Variants in MGAT4C observed in about 807,000 individuals in gnomAD.
MGAT4C encodes the protein MGAT4 family member C.
A neutral mutation model predicts 40.1 loss-of-function variants in MGAT4C; 19 were observed. The observed-to-expected ratio is 0.47, with a 90% confidence interval of 0.33 to 0.70. The LOEUF is 0.70. Among genes scored for constraint, MGAT4C ranks in the 30% least tolerant of loss-of-function variants. The probability of loss-of-function intolerance (pLI) is 0.02; values close to 1 mark genes in which losing one functional copy is unlikely to be tolerated. For synonymous variants in MGAT4C, 181 were observed against 187.1 expected (o/e 0.97, Z 0.27); for missense variants, 491 against 563.2 (o/e 0.87, Z 1.30).
At chr12:86,392,605 G>A (rs773048962) in intron 3 of MGAT4C, among the ~76,000 whole-genome samples, 5 of 152,196 alleles carry the variant, frequency 3.3e-5, no homozygotes, top group African/African-American at 4.8e-5. Flanking sequence ...AGACAAAGTG[G>A]TGAGGGATGG....
intron 1 of MGAT4C, among the ~76,000 whole-genome samples, chr12:86,165,402 T>C (rs892293690): frequency 7.9e-5 from 12 of 152,130 alleles, no homozygotes; most frequent in African/African-American, 2.9e-4. Context: ...TTGTTTTACA[T>C]GTATTTTGTT....
At position 86,826,611 on chromosome 12, in the gene MGAT4C, T is replaced by A. The variant is rs1003780248; in HGVS notation, c.-262+12055A>T. On this transcript the variant is annotated intron_variant, in intron 1 of 7. Transcript: ENST00000548651. ...AACAGTTCATTGAATTTTTTATCCA[T>A]AAGAATGTAACAGTTATAATTTTAA... is the stretch of plus-strand genomic sequence containing the variant. 2.0e-5 allele frequency among the ~76,000 whole-genome samples: 3 copies of A among 151,408 alleles called. No individual in the cohort carries two copies. The Admixed American group carries it at 2.0e-4, about 10-fold the overall frequency.
At chr12:86,705,973 A>G (rs10858465) in intron 2 of MGAT4C, among the ~76,000 whole-genome samples, 116,406 of 152,064 alleles carry the variant, frequency 0.77, 46,290 homozygotes, top group Middle Eastern at 0.88. Flanking sequence ...AATAGAATAA[A>G]TGGATATAAG....
chr12:86,327,817 G>T (rs757205272), intron 4 of MGAT4C, among the ~76,000 whole-genome samples: 1 of 152,094 alleles, frequency 6.6e-6, no homozygotes, highest in Non-Finnish European at 1.5e-5. Flanking sequence ...TTGCACAAAA[G>T]GTATCTTTGC....
At chr12:86,693,689 T>C (rs751842640) in intron 2 of MGAT4C, among the ~76,000 whole-genome samples, 3 of 152,128 alleles carry the variant, frequency 2.0e-5, no homozygotes, top group Non-Finnish European at 4.4e-5. Flanking sequence ...ATATAATTAG[T>C]TTTATTTTAC....
chr12:86,672,616 A>G (rs1361879889), intron 2 of MGAT4C, among the ~76,000 whole-genome samples: 1 of 152,180 alleles, frequency 6.6e-6, no homozygotes, highest in East Asian at 1.9e-4. Flanking sequence ...CAGAAATTCA[A>G]AGGACCATTA....
chr12:85,992,745 C>G (rs566626696), intron 2 of MGAT4C, among the ~76,000 whole-genome samples: 6 of 152,332 alleles, frequency 3.9e-5, no homozygotes, highest in African/African-American at 1.4e-4. Context: ...GAAACATGGC[C>G]TCAGGAAGAA....
At chr12:86,155,072 G>A (rs1333304015) in intron 1 of MGAT4C, among the ~76,000 whole-genome samples, 1 of 152,114 alleles carries the variant, frequency 6.6e-6, no homozygotes, top group East Asian at 1.9e-4. Context: ...TTTAAACAAA[G>A]GTACAAATAG....
At chr12:86,712,379 A>T (rs1158966462) in intron 2 of MGAT4C, among the ~76,000 whole-genome samples, 1 of 152,142 alleles carries the variant, frequency 6.6e-6, no homozygotes, top group Non-Finnish European at 1.5e-5. Context: ...GAATAACATA[A>T]TCAATGACTA....
Position 86,488,350 on chromosome 12 carries a change from C to T in MGAT4C, c.-228-53085G>A, listed in dbSNP as rs1334406333. 2.0e-5 allele frequency among the ~76,000 whole-genome samples: 3 copies of T among 150,690 alleles called. No individual in the cohort carries two copies. The East Asian group carries it at 5.8e-4, about 29-fold the overall frequency. On this transcript the variant is annotated intron_variant, in intron 2 of 7. Transcript: ENST00000548651. ...GCTGAGGCAAGAGTATCGCTTCAGC[C>T]AGGGAGATTGAGGCTGCAGTGAGTG...
At chr12:86,554,368 C>G (rs1724489163) in intron 2 of MGAT4C, among the ~76,000 whole-genome samples, 1 of 152,130 alleles carries the variant, frequency 6.6e-6, no homozygotes, top group African/African-American at 2.4e-5. Flanking sequence ...TCTTCAAACC[C>G]TGATTCACTT....
intron 2 of MGAT4C, among the ~76,000 whole-genome samples, chr12:86,012,667 G>A (rs545084146): frequency 6.6e-6 from 1 of 151,990 alleles, no homozygotes; most frequent in Non-Finnish European, 1.5e-5. Flanking sequence ...CAGGAGAATC[G>A]CTTGAACCCG....
Position 85,969,371 on chromosome 12 carries a change from ACTGT to A in MGAT4C, c.*9914_*9917del, listed in dbSNP as rs1321011290. Reference sequence around the variant, plus strand: ...ATCACACAAAAAATGTTGCATACATACTGTCTAACTACCAGTTTGGTATGTTTGG... The same window carrying A: ...ATCACACAAAAAATGTTGCATACATACTAACTACCAGTTTGGTATGTTTGG... On this transcript the variant is annotated 3_prime_UTR_variant, in exon 5 of 5. Transcript: ENST00000611864. 5 of 151,716 alleles carry A rather than the reference ACTGT, an allele frequency of 3.3e-5. No homozygotes were observed. Among genetic ancestry groups the A allele is most frequent in the African/African-American group, 1.2e-4 (5 of 41,412 alleles). 9.4% of individuals were successfully genotyped at this position (151,716 alleles called of 1,614,324 possible).
chr12:86,260,504 A>G (rs75696152), upstream of MGAT4C, among the ~76,000 whole-genome samples: 2,947 of 152,240 alleles, frequency 0.019, 79 homozygotes, highest in African/African-American at 0.067. Context: ...ATAATTTACA[A>G]TGTGCCAATT....
intron 1 of MGAT4C, among the ~76,000 whole-genome samples, chr12:86,229,094 T>C (rs1951212078): frequency 6.6e-6 from 1 of 151,888 alleles, no homozygotes; most frequent in African/African-American, 2.4e-5. Flanking sequence ...TGAATATTAA[T>C]GATCATAAGG....
At chr12:86,573,872 T>G (rs908854317) in intron 2 of MGAT4C, among the ~76,000 whole-genome samples, 1 of 151,978 alleles carries the variant, frequency 6.6e-6, no homozygotes, top group East Asian at 1.9e-4. Flanking sequence ...TCTTCTAAAG[T>G]TAATCACATT....
intron 2 of MGAT4C, among the ~76,000 whole-genome samples, chr12:86,645,236 A>C (rs931285559): frequency 6.6e-6 from 1 of 151,668 alleles, no homozygotes; most frequent in Admixed American, 6.6e-5. Flanking sequence ...TTAGCAGTGC[A>C]TATTTCTGGG....
At chr12:86,822,747 C>A (rs1354927561) in intron 1 of MGAT4C, among the ~76,000 whole-genome samples, 1 of 151,046 alleles carries the variant, frequency 6.6e-6, no homozygotes, top group Non-Finnish European at 1.5e-5. Context: ...ACCGCACACT[C>A]AGGAATGGGT....
chr12:86,551,157 C>G (rs1044744330), intron 2 of MGAT4C, among the ~76,000 whole-genome samples: 5 of 152,196 alleles, frequency 3.3e-5, no homozygotes, highest in African/African-American at 1.2e-4. Context: ...TGAGCATGCC[C>G]CCAGGCCAGC....
Sources: gnomAD v4.1 joint callset for allele counts (sites outside exome capture counted in the v4.1 genomes callset) on GRCh38, gnomAD v4.1.1 for gene constraint, MANE v1.5 for transcripts, NCBI Gene and HGNC (gene_info 2026-07-23, HGNC 2026-07-21) for gene names.